TMPRSS12: variants seen among roughly 807,000 people sequenced by gnomAD.
TMPRSS12 encodes transmembrane protease serine 12.
A neutral mutation model predicts 26.0 loss-of-function variants in TMPRSS12; 25 were observed. That is an observed-to-expected ratio of 0.96 (90% CI 0.70 to 1.34). The LOEUF is 1.34. Among genes scored for constraint, TMPRSS12 ranks in the 40% most tolerant of loss-of-function variants. The pLI, the probability that TMPRSS12 is intolerant of heterozygous loss-of-function variation, is 0.00. For synonymous variants in TMPRSS12, 150 were observed against 161.7 expected (o/e 0.93, Z 0.55); for missense variants, 441 against 440.1 (o/e 1.00, Z -0.02).
chr12:50,854,430 T>C (rs1269602317), intron 2 of TMPRSS12, among the ~76,000 whole-genome samples: 1 of 152,124 alleles, frequency 6.6e-6, no homozygotes, highest in Non-Finnish European at 1.5e-5. Context: ...ACCACTCTTA[T>C]TCAACATAGT....
intron 3 of TMPRSS12, among the ~76,000 whole-genome samples, chr12:50,880,649 T>A (rs1383516702): frequency 6.6e-6 from 1 of 151,454 alleles, no homozygotes; most frequent in Non-Finnish European, 1.5e-5. Context: ...CCTGGATATC[T>A]ACCAAAGACA....
Position 50,847,082 on chromosome 12 carries a change from G to A in TMPRSS12, c.383+3045G>A, listed in dbSNP as rs1487698842. On this transcript the variant is annotated intron_variant, in intron 2 of 4. Coordinates refer to ENST00000398458, the MANE Select transcript of TMPRSS12 (RefSeq NM_182559.3). ...CTTTTTTTTTTTTTTTTTTTGAGAC[G>A]GAGTCTCGCTCTGTTGCCCAGGCTG... 7.3e-5 allele frequency among the ~76,000 whole-genome samples: 8 copies of A among 108,846 alleles called. No homozygotes were observed. In the South Asian group the frequency reaches 1.3e-3, roughly 17 times the overall value. 71.4% of individuals were successfully genotyped at this position (108,846 alleles called of 152,430 possible).
intron 4 of TMPRSS12, 114 bp from the exon 5 acceptor site, chr12:50,887,148 T>G (rs929212362): frequency 4.4e-5 from 50 of 1,124,104 alleles, no homozygotes; most frequent in Non-Finnish European, 5.1e-5. Flanking sequence ...TGGGGGTATA[T>G]TGAAAATGTG....
At chr12:50,850,304 T>C (rs1937813712) in intron 2 of TMPRSS12, among the ~76,000 whole-genome samples, 1 of 152,106 alleles carries the variant, frequency 6.6e-6, no homozygotes, top group Non-Finnish European at 1.5e-5. Context: ...ACCAGCTAAG[T>C]GCATTGGCTC....
Position 50,843,141 on chromosome 12 carries a change from G to T in TMPRSS12, c.177G>T (p.Ala59=), listed in dbSNP as rs764479920. The T allele has an allele frequency of 1.5e-5, 24 of 1,565,178 alleles. No individual in the cohort carries two copies. The highest frequency in any genetic ancestry group is 2.1e-5 in the Non-Finnish European group (24 of 1,154,256). Residue 59 remains alanine, a synonymous_variant, in exon 1 of 5, where the codon GCG becomes GCT. Transcript: ENST00000398458. ...KRLRRRREGG[A]HAEDCGTAPL... ...TCCGGCGGCGGAGGGAGGGAGGGGCGCATGCAGAGGGCAGTACCTGTTCGT... is the reference window on the plus strand; with the variant it reads ...TCCGGCGGCGGAGGGAGGGAGGGGCTCATGCAGAGGGCAGTACCTGTTCGT...
chr12:50,860,105 C>A lies in TMPRSS12; in HGVS notation c.652+1052C>A, dbSNP rs1413646994. Among the ~76,000 whole-genome samples the A allele has an allele frequency of 2.0e-5, 3 of 152,162 alleles. No homozygotes were observed. The East Asian group carries it at 5.8e-4, about 29-fold the overall frequency. On this transcript the variant is annotated intron_variant, in intron 3 of 4. Coordinates refer to ENST00000398458, the MANE Select transcript of TMPRSS12 (RefSeq NM_182559.3). ...TGAACGTTAAGATAGAATGATAGTT[C>A]CAAGTGTTTCTGTAGTTTGAACTCA...
Position 50,859,049 on chromosome 12 carries a change from A to G in TMPRSS12, c.648A>G (p.Glu216=), listed in dbSNP as rs1194398125. 1 of 1,580,372 alleles carries G rather than the reference A, an allele frequency of 6.3e-7. No individual in the cohort carries two copies. Among genetic ancestry groups the G allele is most frequent in the Non-Finnish European group, 8.6e-7 (1 of 1,166,756 alleles). The change falls in exon 3 of 5, where the codon GAA becomes GAG. Residue 216 remains glutamate (E), a synonymous_variant. Coordinates refer to ENST00000398458, the MANE Select transcript of TMPRSS12 (RefSeq NM_182559.3). ...CFISGWGRTK[E]EGNATNILQD... is the part of the protein sequence containing the mutation. ...TAAGTGGCTGGGGAAGAACAAAAGAAGAAGGTAATTATGGTCTGAATTTTA... is the reference window on the plus strand; with the variant it reads ...TAAGTGGCTGGGGAAGAACAAAAGAGGAAGGTAATTATGGTCTGAATTTTA...
At chr12:50,861,046 G>A (rs1272095495) in intron 3 of TMPRSS12, among the ~76,000 whole-genome samples, 2 of 152,184 alleles carry the variant, frequency 1.3e-5, no homozygotes, top group African/African-American at 4.8e-5. Context: ...CCTGTCCTGG[G>A]TCCTGTTTTA....
rs376140736 is a variant in TMPRSS12 at position 50,858,294 on chromosome 12, T to A, written c.384-491T>A. Among the ~76,000 whole-genome samples, 13 of 152,244 alleles carry A rather than the reference T, an allele frequency of 8.5e-5. No individual in the cohort carries two copies. In the East Asian group the frequency reaches 9.6e-4, roughly 11 times the overall value. On this transcript the variant is annotated intron_variant, in intron 2 of 4. Transcript: ENST00000398458. Reference sequence around the variant, plus strand: ...CGTTATCAACTGATACCTGATCTTGTTTCACCTATACCCTCACCATTCTCC... The same window carrying A: ...CGTTATCAACTGATACCTGATCTTGATTCACCTATACCCTCACCATTCTCC...
chr12:50,872,777 ATGTACATATATAT>A (rs1266483450), intron 3 of TMPRSS12, among the ~76,000 whole-genome samples: 38 of 114,060 alleles, frequency 3.3e-4, no homozygotes, highest in South Asian at 8.3e-4. Context: ...TGACGTATAT[ATGTACATATATAT>A]GACGTATATA....
At position 50,854,930 on chromosome 12, in the gene TMPRSS12, CG is replaced by C. The variant is rs143873391; in HGVS notation, c.384-3854del. ...TTCAACACTATTCCAGTCAAATTAC[CG>C]ACAACATTTTACACAGAATTTTAAA... On this transcript the variant is annotated intron_variant, in intron 2 of 4. Transcript: ENST00000398458. Among the ~76,000 whole-genome samples the C allele has an allele frequency of 2.4e-3, 368 of 152,220 alleles. 1 individual carries two copies. The highest frequency in any genetic ancestry group is 4.1e-3 in the Non-Finnish European group (279 of 68,016).
rs1938062115 is a variant in TMPRSS12, at chr12:50,872,648, ACATATATGACG to A, written c.653-12597_653-12587del. ...ATGTACATATATATGACGTATATGT[ACATATATGACG>A]TATATGTACATATATATGACGTATA... is the stretch of plus-strand genomic sequence containing the variant. On this transcript the variant is annotated intron_variant, in intron 3 of 4. Coordinates refer to ENST00000398458, the MANE Select transcript of TMPRSS12 (RefSeq NM_182559.3). Among the ~76,000 whole-genome samples the A allele has an allele frequency of 2.7e-5, 2 of 73,638 alleles. 1 individual carries two copies. Among genetic ancestry groups the A allele is most frequent in the African/African-American group, 9.2e-5 (2 of 21,726 alleles). 48.3% of individuals were successfully genotyped at this position (73,638 alleles called of 152,430 possible). A position where few individuals can be genotyped will look rare whatever the true frequency, so the allele number is the denominator to read the frequency against.
chr12:50,871,600 T>G (rs541146308), intron 3 of TMPRSS12, among the ~76,000 whole-genome samples: 1 of 152,268 alleles, frequency 6.6e-6, no homozygotes, highest in Admixed American at 6.5e-5. Context: ...TAGCTGGGAC[T>G]TAATTAAAGA....
At chr12:50,886,730 T>G (rs2079791579) in intron 4 of TMPRSS12, 1 of 153,394 alleles carries the variant, frequency 6.5e-6, no homozygotes. Flanking sequence ...ACTGAGAGGC[T>G]TTGCCATTTA....
intron 3 of TMPRSS12, among the ~76,000 whole-genome samples, chr12:50,868,953 CAAT>C (rs912432503): frequency 1.3e-5 from 2 of 151,902 alleles, no homozygotes; most frequent in African/African-American, 4.8e-5. Flanking sequence ...AACTGAATGA[CAAT>C]AATGAGGCAA....
chr12:50,868,312 T>C (rs1033358923), intron 3 of TMPRSS12, among the ~76,000 whole-genome samples: 1 of 152,190 alleles, frequency 6.6e-6, no homozygotes, highest in African/African-American at 2.4e-5. Flanking sequence ...AGGCATTTCA[T>C]GCAAATGGAC....
intron 3 of TMPRSS12, 97 bp from the exon 4 acceptor site, chr12:50,885,149 C>A: frequency 9.5e-7 from 1 of 1,054,186 alleles, no homozygotes; most frequent in Non-Finnish European, 1.4e-6. Flanking sequence ...ATAATTATTG[C>A]ATCAGTCACT....
At chr12:50,877,226 C>CT (rs1240749369) in intron 3 of TMPRSS12, among the ~76,000 whole-genome samples, 1 of 151,984 alleles carries the variant, frequency 6.6e-6, no homozygotes, top group Admixed American at 6.6e-5. Context: ...AGTTGAAATT[C>CT]TTTTTTTAAA....
Position 50,843,084 on chromosome 12 carries a change from T to C in TMPRSS12, c.120T>C (p.Ser40=). 6.3e-7 allele frequency: 1 copy of C among 1,585,342 alleles called. No individual in the cohort carries two copies. Among genetic ancestry groups the C allele is most frequent in the Non-Finnish European group, 8.6e-7 (1 of 1,166,248 alleles). ...RLGPSPEPAA[S]SQQAEAVRKR... ...GCCCCTCGCCGGAACCGGCGGCTAG[T>C]TCCCAGCAGGCTGAGGCCGTCCGCA... Residue 40 remains serine, a synonymous_variant, in exon 1 of 5, where the codon AGT becomes AGC. Transcript: ENST00000398458.
Sources: gnomAD v4.1 joint callset for allele counts (sites outside exome capture counted in the v4.1 genomes callset) on GRCh38, gnomAD v4.1.1 for gene constraint, MANE v1.5 for transcripts, NCBI Gene and HGNC (gene_info 2026-07-23, HGNC 2026-07-21) for gene names.